Variants in CCDC93 observed in about 807,000 individuals in gnomAD.
CCDC93 encodes the protein coiled-coil domain-containing protein 93.
In CCDC93, 61 loss-of-function variants were observed where a neutral mutation model predicts 108.2. The ratio of observed to expected loss-of-function variants is 0.56; its 90% CI spans 0.46 to 0.70. The LOEUF is 0.70. Ranked by LOEUF, CCDC93 falls within the 30% of genes least tolerant of loss-of-function variation. CCDC93 has a pLI of 0.00. For missense variants in CCDC93, 685 were observed against 764.2 expected (o/e 0.90, Z 1.22); for synonymous variants, 276 against 260.4 (o/e 1.06, Z -0.58).
intron 7 of CCDC93, among the ~76,000 whole-genome samples, chr2:117,982,496 A>G (rs920560828): frequency 7.2e-5 from 11 of 152,184 alleles, no homozygotes; most frequent in African/African-American, 2.7e-4. Context: ...CATAGTTGAC[A>G]AGGTTCATAA....
At chr2:117,995,402 G>C (rs1020305927) in intron 6 of CCDC93, 44 bp downstream of exon 6, 6 of 1,432,320 alleles carry the variant, frequency 4.2e-6, no homozygotes, top group South Asian at 1.1e-5. Flanking sequence ...GGCTATCTGA[G>C]GCTACGCAGG....
At chr2:117,966,998 G>A (rs1679602830) in intron 11 of CCDC93, among the ~76,000 whole-genome samples, 1 of 152,042 alleles carries the variant, frequency 6.6e-6, no homozygotes. Flanking sequence ...ACCTCCCACT[G>A]CCTTTTTTTT....
intron 23 of CCDC93, chr2:117,921,548 C>T (rs984088900): frequency 2.0e-5 from 3 of 152,162 alleles, no homozygotes; most frequent in Non-Finnish European, 4.4e-5. Context: ...ACAGGCTTGG[C>T]AGTGGTCAGG....
At chr2:117,938,848 A>G (rs937713950) in intron 20 of CCDC93, among the ~76,000 whole-genome samples, 181 bp downstream of exon 20, 1 of 152,216 alleles carries the variant, frequency 6.6e-6, no homozygotes, top group African/African-American at 2.4e-5. Flanking sequence ...CACAGCAGAC[A>G]GTCTGGGTTC....
At chr2:118,008,760 A>G (rs1676943222) in intron 1 of CCDC93, 102 bp from the exon 2 acceptor site, 2 of 690,280 alleles carry the variant, frequency 2.9e-6, no homozygotes, top group East Asian at 2.6e-5. Context: ...GGAGTAGATG[A>G]CATTGGCTAC....
intron 18 of CCDC93, 33 bp from the exon 19 acceptor site, chr2:117,941,330 T>C: frequency 6.3e-7 from 1 of 1,577,372 alleles, no homozygotes; most frequent in Non-Finnish European, 8.7e-7. Flanking sequence ...GACAGTACTA[T>C]TTGGTAAAAG....
At position 117,918,424 on chromosome 2, in the gene CCDC93, G is replaced by C. The variant is rs1031768889; in HGVS notation, c.*1919C>G. 3.9e-5 allele frequency: 6 copies of C among 152,046 alleles called. No individual in the cohort carries two copies. The highest frequency in any genetic ancestry group is 1.5e-4 in the African/African-American group (6 of 41,378). The allele number at this position is 152,046 out of a possible 1,614,324, so 9.4% of individuals were successfully genotyped here. On this transcript the variant is annotated 3_prime_UTR_variant, in exon 24 of 24. Transcript: ENST00000376300. ...AAATAAATGCCTGCACTTTCAAAAA[G>C]AATTACTGGTTGCTTTGGATTCATC...
At chr2:117,967,945 TAAG>T (rs796723424) in intron 11 of CCDC93, among the ~76,000 whole-genome samples, 17 of 152,232 alleles carry the variant, frequency 1.1e-4, no homozygotes, top group African/African-American at 4.1e-4. Flanking sequence ...AATTAAAAAA[TAAG>T]AACTAAATGA....
intron 3 of CCDC93, 54 bp from the exon 4 acceptor site, chr2:118,000,986 G>A (rs1680831920): frequency 9.3e-7 from 1 of 1,074,444 alleles, no homozygotes; most frequent in Non-Finnish European, 1.4e-6. Flanking sequence ...AGCCTTTATG[G>A]CATCTCTAAA....
intron 23 of CCDC93, among the ~76,000 whole-genome samples, chr2:117,920,964 A>G (rs1677842251): frequency 6.6e-6 from 1 of 152,086 alleles, no homozygotes; most frequent in African/African-American, 2.4e-5. Flanking sequence ...CAGGCGGATC[A>G]TGAGGTCAGG....
chr2:117,970,575 T>C (rs1679728326), intron 11 of CCDC93, among the ~76,000 whole-genome samples: 2 of 152,230 alleles, frequency 1.3e-5, no homozygotes, highest in African/African-American at 4.8e-5. Context: ...TATTTAAATC[T>C]GAAGTATAGA....
intron 1 of CCDC93, among the ~76,000 whole-genome samples, chr2:118,013,334 G>T (rs566940859): frequency 7.9e-5 from 12 of 152,346 alleles, no homozygotes; most frequent in African/African-American, 2.6e-4. Context: ...CACCCCTGGA[G>T]TGCGTCCCAC....
At chr2:117,983,280 C>T (rs572483195) in intron 7 of CCDC93, among the ~76,000 whole-genome samples, 2 of 152,300 alleles carry the variant, frequency 1.3e-5, no homozygotes, top group African/African-American at 4.8e-5. Context: ...TATCTGCCTT[C>T]CCCTGTGAAG....
intron 18 of CCDC93, among the ~76,000 whole-genome samples, chr2:117,943,048 G>A (rs1419959448): frequency 2.0e-5 from 3 of 152,256 alleles, no homozygotes; most frequent in Non-Finnish European, 2.9e-5. Context: ...CTACAGCCCT[G>A]CAATCTGTCC....
intron 13 of CCDC93, 161 bp from the exon 14 acceptor site, chr2:117,949,556 A>C (rs1466833193): frequency 8.8e-6 from 2 of 227,262 alleles, no homozygotes; most frequent in Non-Finnish European, 1.5e-5. Context: ...ACAGAATACT[A>C]AGCCAATATT....
chr2:117,989,249 C>T (rs1680407576), intron 6 of CCDC93, among the ~76,000 whole-genome samples: 1 of 152,200 alleles, frequency 6.6e-6, no homozygotes, highest in Non-Finnish European at 1.5e-5. Context: ...TCATAGGTCT[C>T]TGACCACAGA....
chr2:117,995,897 G>A (rs1470249756), intron 5 of CCDC93: 1 of 161,930 alleles, frequency 6.2e-6, no homozygotes, highest in Non-Finnish European at 1.3e-5. Context: ...CATAAGATGT[G>A]CTGAGACTAG....
chr2:117,986,039 G>A lies in CCDC93; in HGVS notation c.550C>T (p.Arg184Cys), dbSNP rs762731633. The A allele has an allele frequency of 2.5e-5, 40 of 1,613,190 alleles. No homozygotes were observed. Among genetic ancestry groups the A allele is most frequent in the East Asian group, 2.2e-5 (1 of 44,868 alleles). ...AGTAGCTCCTCTGCTCCCTGGTGGC[G>A]TTTGTATTTCCGACGGGGCTTGTAC... Reference protein sequence around the residue: ...EVYKPRRKYKRHQGAEELLDE... With the variant: ...EVYKPRRKYKCHQGAEELLDE... Residue 184 changes from arginine (R) to cysteine (C), a missense_variant, in exon 7 of 24, where the codon CGC (arginine) becomes TGC (cysteine). Coordinates refer to ENST00000376300, the MANE Select transcript of CCDC93 (RefSeq NM_019044.5).
chr2:117,928,662 G>A (rs1678211817), intron 23 of CCDC93, among the ~76,000 whole-genome samples: 3 of 152,274 alleles, frequency 2.0e-5, no homozygotes, highest in African/African-American at 7.2e-5. Context: ...ACTGTTGGTG[G>A]GACTGTAAAC....
Sources: allele counts gnomAD v4.1 joint callset (sites outside exome capture counted in the v4.1 genomes callset), GRCh38; gene constraint gnomAD v4.1.1; transcripts MANE v1.5; gene names NCBI Gene and HGNC (gene_info 2026-07-23, HGNC 2026-07-21).